TUSC3: variants seen among roughly 807,000 people sequenced by gnomAD.
TUSC3 encodes the protein tumor suppressor candidate 3, also known as dolichyl-diphosphooligosaccharide--protein glycosyltransferase subunit TUSC3.
TUSC3 carries 45 observed loss-of-function variants against 44.8 expected under a neutral mutation model. That is an observed-to-expected ratio of 1.00 (90% CI 0.79 to 1.29). The LOEUF is 1.29. Among genes scored for constraint, TUSC3 ranks in the 50% most tolerant of loss-of-function variants. The probability of loss-of-function intolerance (pLI) is 0.00; values close to 1 mark genes in which losing one functional copy is unlikely to be tolerated. For synonymous variants in TUSC3, 212 were observed against 152.9 expected (o/e 1.39, Z -2.85); for missense variants, 519 against 437.9 (o/e 1.19, Z -1.65).
At chr8:15,581,886 T>C (rs528778672) in intron 1 of TUSC3, among the ~76,000 whole-genome samples, 3,261 of 126,938 alleles carry the variant, frequency 0.026, 78 homozygotes, top group Middle Eastern at 0.055. Flanking sequence ...GCCTGGGCAA[T>C]GGCGGGCGCC....
intron 2 of TUSC3, among the ~76,000 whole-genome samples, chr8:15,518,629 A>T (rs1201350795): frequency 6.6e-6 from 1 of 152,178 alleles, no homozygotes; most frequent in African/African-American, 2.4e-5. Flanking sequence ...TAGACATTAA[A>T]TGAACTGCAT....
chr8:15,556,994 A>C (rs1802293198), intron 1 of TUSC3, among the ~76,000 whole-genome samples: 1 of 147,026 alleles, frequency 6.8e-6, no homozygotes, highest in African/African-American at 2.5e-5. Flanking sequence ...GCTGTGCAGA[A>C]GCTCTTTAGT....
intron 2 of TUSC3, among the ~76,000 whole-genome samples, chr8:15,628,065 A>G (rs1027755597): frequency 1.3e-5 from 2 of 152,224 alleles, no homozygotes; most frequent in Non-Finnish European, 2.9e-5. Context: ...CCATTTTGGT[A>G]TATCAGTTCG....
At chr8:15,585,639 C>G (rs112992434) in intron 1 of TUSC3, among the ~76,000 whole-genome samples, 1,782 of 152,260 alleles carry the variant, frequency 0.012, 25 homozygotes, top group African/African-American at 0.035. Flanking sequence ...GAATCAATCA[C>G]TCCCTATTGG....
At chr8:15,771,697 A>G in the TUSC3 span, among the ~76,000 whole-genome samples, 1 of 152,192 alleles carries the variant, frequency 6.6e-6, no homozygotes, top group Non-Finnish European at 1.5e-5. Context: ...AAACACCTGA[A>G]GACAAATGAA....
At chr8:15,562,725 C>G (rs140623342) in intron 1 of TUSC3, among the ~76,000 whole-genome samples, 110 of 152,216 alleles carry the variant, frequency 7.2e-4, no homozygotes, top group African/African-American at 2.5e-3. Context: ...GCTCTCAGTT[C>G]TTTGCTGCCA....
At chr8:15,528,965 A>G (rs1801413669) in intron 2 of TUSC3, among the ~76,000 whole-genome samples, 1 of 152,088 alleles carries the variant, frequency 6.6e-6, no homozygotes, top group Admixed American at 6.6e-5. Flanking sequence ...CTCCTTTGTC[A>G]CCGCAGTTAA....
chr8:15,841,780 C>T, the TUSC3 span, among the ~76,000 whole-genome samples: 15 of 152,300 alleles, frequency 9.8e-5, no homozygotes, highest in Non-Finnish European at 1.9e-4. Context: ...TCCCAAAGTG[C>T]TGCGATTACA....
At chr8:15,799,811 T>A in the TUSC3 span, among the ~76,000 whole-genome samples, 17 of 152,134 alleles carry the variant, frequency 1.1e-4, no homozygotes, top group Admixed American at 5.2e-4. Flanking sequence ...CCTGCCCCAG[T>A]TTCATGGATG....
the TUSC3 span, among the ~76,000 whole-genome samples, chr8:15,815,969 AT>A: frequency 6.6e-6 from 1 of 152,128 alleles, no homozygotes; most frequent in Admixed American, 6.5e-5. Flanking sequence ...GACAAACCTA[AT>A]TGCTTTTTCT....
At chr8:15,577,971 G>C (rs1418632707) in intron 1 of TUSC3, among the ~76,000 whole-genome samples, 2 of 149,386 alleles carry the variant, frequency 1.3e-5, no homozygotes, top group East Asian at 3.9e-4. Context: ...CCATTTGTTT[G>C]TATCCTCTTT....
At chr8:15,504,820 T>C (rs1801032379) in intron 2 of TUSC3, among the ~76,000 whole-genome samples, 1 of 150,674 alleles carries the variant, frequency 6.6e-6, no homozygotes, top group Non-Finnish European at 1.5e-5. Context: ...GCCCAGCTAA[T>C]TTTTTGTATT....
intron 1 of TUSC3, among the ~76,000 whole-genome samples, chr8:15,429,703 G>A (rs1426000291): frequency 6.6e-6 from 1 of 151,464 alleles, no homozygotes; most frequent in East Asian, 1.9e-4. Context: ...CCCTTGTAAG[G>A]TGGATTCTTA....
At chr8:15,491,704 C>G (rs1055668631) in intron 2 of TUSC3, among the ~76,000 whole-genome samples, 145 of 152,250 alleles carry the variant, frequency 9.5e-4, no homozygotes, top group African/African-American at 3.3e-3. Flanking sequence ...AGGCTAAGCA[C>G]CATCTGGGAA....
chr8:15,543,087 A>G (rs749466600), intron 1 of TUSC3, among the ~76,000 whole-genome samples: 1 of 152,214 alleles, frequency 6.6e-6, no homozygotes, highest in Non-Finnish European at 1.5e-5. Context: ...GTGGTCACCA[A>G]TGTGGTATTT....
At chr8:15,700,286 C>T (rs886079252) in intron 6 of TUSC3, among the ~76,000 whole-genome samples, 2 of 152,100 alleles carry the variant, frequency 1.3e-5, no homozygotes, top group African/African-American at 4.8e-5. Flanking sequence ...ATGCTTTTCC[C>T]TCTGTGTAGC....
intron 2 of TUSC3, 55 bp downstream of exon 2, chr8:15,623,304 A>G: frequency 6.9e-7 from 1 of 1,454,850 alleles, no homozygotes; most frequent in Non-Finnish European, 9.2e-7. Flanking sequence ...TTACATATAT[A>G]TTTTTATGTT....
intron 1 of TUSC3, among the ~76,000 whole-genome samples, chr8:15,603,121 T>C (rs17116320): frequency 0.02 from 3,014 of 151,676 alleles, 89 homozygotes; most frequent in African/African-American, 0.067. Flanking sequence ...TTGCCACACA[T>C]GTAGTTAATT....
At chr8:15,719,745 A>G (rs1449342621) in intron 6 of TUSC3, among the ~76,000 whole-genome samples, 1 of 152,158 alleles carries the variant, frequency 6.6e-6, no homozygotes, top group African/African-American at 2.4e-5. Flanking sequence ...TTAATGAAGT[A>G]GAGATCCTTC....
Sources: allele counts gnomAD v4.1 joint callset (sites outside exome capture counted in the v4.1 genomes callset), GRCh38; gene constraint gnomAD v4.1.1; transcripts MANE v1.5; gene names NCBI Gene and HGNC (gene_info 2026-07-23, HGNC 2026-07-21).